CRMP1: variants seen among roughly 807,000 people sequenced by gnomAD.
CRMP1 encodes collapsin response mediator protein 1.
CRMP1 carries 19 observed loss-of-function variants against 68.3 expected under a neutral mutation model. The ratio of observed to expected loss-of-function variants is 0.28; its 90% CI spans 0.19 to 0.41. The LOEUF (loss-of-function observed/expected upper bound fraction) is 0.41. CRMP1 is among the 10% of genes least tolerant of loss of function. The pLI is 1.00. For missense variants in CRMP1, 791 were observed against 967.4 expected (o/e 0.82, Z 2.42); for synonymous variants, 439 against 399.6 (o/e 1.10, Z -1.18).
At position 5,838,075 on chromosome 4, in the gene CRMP1, CAGG is replaced by C. The variant is rs1333110184; in HGVS notation, c.1311-1172_1311-1170del. On this transcript the variant is annotated intron_variant, in intron 9 of 13. Coordinates refer to ENST00000324989, the MANE Select transcript of CRMP1 (RefSeq NM_001014809.3). The surrounding 1 kb of genome is among the most constrained non-coding windows in gnomAD (Gnocchi z 4.9). ...GGGGACAGGCTGGAGATGCCATTTC[CAGG>C]AGGATAATCAGAAAATTACGTCACT... Among the ~76,000 whole-genome samples the C allele has an allele frequency of 1.3e-5, 2 of 152,122 alleles. No homozygotes were observed. Among genetic ancestry groups the C allele is most frequent in the African/African-American group, 2.4e-5 (1 of 41,418 alleles).
chr4:5,853,320 G>A lies in CRMP1; in HGVS notation c.821-1851C>T, dbSNP rs1353475399. Among the ~76,000 whole-genome samples, 1 of 152,174 alleles carries A rather than the reference G, an allele frequency of 6.6e-6. No homozygotes were observed. Among genetic ancestry groups the A allele is most frequent in the Non-Finnish European group, 1.5e-5 (1 of 68,044 alleles). On this transcript the variant is annotated intron_variant, in intron 4 of 13. Transcript: ENST00000324989. The surrounding 1 kb of genome is among the most constrained non-coding windows in gnomAD (Gnocchi z 4.7). ...CCAAGCTACTTGGGAGGCTGAGGGG[G>A]AAGAATCACTTTAACCTGGGAGGCA...
rs1292943920 is a variant in CRMP1, at chr4:5,888,802, G to A, written c.381+3787C>T. Reference sequence around the variant, plus strand: ...CCACAGGTGTGTGGCCGCGCGTCTGGAGGCCTCCCCGGAACATCTGCGGGG... The same window carrying A: ...CCACAGGTGTGTGGCCGCGCGTCTGAAGGCCTCCCCGGAACATCTGCGGGG... On this transcript the variant is annotated intron_variant, in intron 1 of 13. Coordinates refer to ENST00000324989, the MANE Select transcript of CRMP1 (RefSeq NM_001014809.3). This position sits in a 1 kb window ranked among gnomAD's most constrained non-coding sequence, Gnocchi z 6.4. Among the ~76,000 whole-genome samples the A allele has an allele frequency of 6.6e-6, 1 of 151,896 alleles. No homozygotes were observed. Among genetic ancestry groups the A allele is most frequent in the Non-Finnish European group, 1.5e-5 (1 of 67,908 alleles).
At position 5,872,706 on chromosome 4, in the gene CRMP1, T is replaced by C. The variant is rs1577832137; in HGVS notation, c.382-5950A>G. On this transcript the variant is annotated intron_variant, in intron 1 of 13. Coordinates refer to ENST00000324989, the MANE Select transcript of CRMP1 (RefSeq NM_001014809.3). The surrounding 1 kb of genome is among the most constrained non-coding windows in gnomAD (Gnocchi z 4.6). Reference sequence around the variant, plus strand: ...CATCTCAAAAAACAATTATTATGTATAAACCTTGAAGAAATAAAGCATCTC... The same window carrying C: ...CATCTCAAAAAACAATTATTATGTACAAACCTTGAAGAAATAAAGCATCTC... Among the ~76,000 whole-genome samples the C allele has an allele frequency of 6.6e-6, 1 of 152,260 alleles. No individual in the cohort carries two copies. The highest frequency in any genetic ancestry group is 1.9e-4 in the East Asian group (1 of 5,184).
Position 5,859,817 on chromosome 4 carries a change from C to T in CRMP1, c.655+1209G>A, listed in dbSNP as rs1048022215. Among the ~76,000 whole-genome samples the T allele has an allele frequency of 2.0e-5, 3 of 152,124 alleles. No homozygotes were observed. In the East Asian group the frequency reaches 5.8e-4, roughly 29 times the overall value. The stretch of plus-strand genomic sequence containing the variant: ...CTCTGCCCATGGCGGTGGGCTTCAG[C>T]CCACAGACCACACTTCCAAAGGGAC... On this transcript the variant is annotated intron_variant, in intron 3 of 13. Transcript: ENST00000324989. The surrounding 1 kb of genome is among the most constrained non-coding windows in gnomAD (Gnocchi z 5.2).
intron 6 of CRMP1, among the ~76,000 whole-genome samples, chr4:5,848,459 C>T (rs766769341): frequency 6.0e-4 from 91 of 152,330 alleles, no homozygotes; most frequent in Non-Finnish European, 1.2e-3. Context: ...TCTCAAAGTG[C>T]TGGTATTACA....
rs1004519713 is a variant in CRMP1, at chr4:5,892,087, C to T, written c.381+502G>A. Among the ~76,000 whole-genome samples, 6 of 152,326 alleles carry T rather than the reference C, an allele frequency of 3.9e-5. No individual in the cohort carries two copies. The highest frequency in any genetic ancestry group is 2.6e-4 in the Admixed American group (4 of 15,310). On this transcript the variant is annotated intron_variant, in intron 1 of 13. Coordinates refer to ENST00000324989, the MANE Select transcript of CRMP1 (RefSeq NM_001014809.3). This position sits in a 1 kb window ranked among gnomAD's most constrained non-coding sequence, Gnocchi z 8.6. ...CGCTCGGAAAAAAAGCTCCTTCCAG[C>T]TTTAAGCTGTGTGGCCGCAGGCGAC... is the stretch of plus-strand genomic sequence containing the variant.
rs1396365657 is a variant in CRMP1 at position 5,879,008 on chromosome 4, G to T, written c.382-12252C>A. Among the ~76,000 whole-genome samples, 1 of 151,998 alleles carries T rather than the reference G, an allele frequency of 6.6e-6. No homozygotes were observed. Among genetic ancestry groups the T allele is most frequent in the Non-Finnish European group, 1.5e-5 (1 of 68,016 alleles). On this transcript the variant is annotated intron_variant, in intron 1 of 13. Coordinates refer to ENST00000324989, the MANE Select transcript of CRMP1 (RefSeq NM_001014809.3). This position sits in a 1 kb window ranked among gnomAD's most constrained non-coding sequence, Gnocchi z 4.2. ...AGATAAGCCCTCACCCCATCTCCCT[G>T]CCACAGAACTTGTCCACTCCATATG...
In CRMP1 at chr4:5,892,217, T is replaced by G. The variant is rs894994306; in HGVS notation, c.381+372A>C. 1.3e-5 allele frequency among the ~76,000 whole-genome samples: 2 copies of G among 152,110 alleles called. No individual in the cohort carries two copies. Among genetic ancestry groups the G allele is most frequent in the African/African-American group, 2.4e-5 (1 of 41,430 alleles). On this transcript the variant is annotated intron_variant, in intron 1 of 13. Transcript: ENST00000324989. The surrounding 1 kb of genome is among the most constrained non-coding windows in gnomAD (Gnocchi z 8.6). ...AACACGGAACGGAGCTCCAGTTCTT[T>G]TCACAAAACAGAATGAGGGGCCTGG...
Position 5,883,282 on chromosome 4 carries a change from GTCTT to G in CRMP1, c.381+9303_381+9306del, listed in dbSNP as rs1433283493. Among the ~76,000 whole-genome samples the G allele has an allele frequency of 1.4e-5, 2 of 142,510 alleles. No homozygotes were observed. The highest frequency in any genetic ancestry group is 3.0e-5 in the Non-Finnish European group (2 of 65,786). The allele number at this position is 142,510 out of a possible 152,430, so 93.5% of individuals were successfully genotyped here. ...TTCCTCCCTCCCTCCCTCCCTTCCTGTCTTTCTATCTTTCTCTTTCTTTCTTCTT... is the reference window on the plus strand; with the variant it reads ...TTCCTCCCTCCCTCCCTCCCTTCCTGTCTATCTTTCTCTTTCTTTCTTCTT... On this transcript the variant is annotated intron_variant, in intron 1 of 13. Coordinates refer to ENST00000324989, the MANE Select transcript of CRMP1 (RefSeq NM_001014809.3). The surrounding 1 kb of genome is among the most constrained non-coding windows in gnomAD (Gnocchi z 4.5).
chr4:5,841,152 G>A lies in CRMP1; in HGVS notation c.1153+156C>T, dbSNP rs1265402767. ...ATATCCTAAGGTCATTGGGACCAAA[G>A]AATTCCAGCCACCATCCTTGTGTCA... is the stretch of plus-strand genomic sequence containing the variant. On this transcript the variant is annotated intron_variant, in intron 8 of 13. Coordinates refer to ENST00000324989, the MANE Select transcript of CRMP1 (RefSeq NM_001014809.3). The surrounding 1 kb of genome is among the most constrained non-coding windows in gnomAD (Gnocchi z 6.9). 6.6e-6 allele frequency among the ~76,000 whole-genome samples: 1 copy of A among 152,128 alleles called. No homozygotes were observed. The highest frequency in any genetic ancestry group is 1.5e-5 in the Non-Finnish European group (1 of 68,036).
chr4:5,831,745 G>A (rs187383273), intron 11 of CRMP1, among the ~76,000 whole-genome samples: 1 of 152,226 alleles, frequency 6.6e-6, no homozygotes, highest in East Asian at 1.9e-4. Flanking sequence ...GCCACACCCT[G>A]CATTTCACAA....
rs1712093282 is a variant in CRMP1 at position 5,845,100 on chromosome 4, G to A, written c.964-1939C>T. ...ATTGAGCAAATGGAGCCGGACATAA[G>A]ACAGTGTGTGCTGTATGCTTCCATT... On this transcript the variant is annotated intron_variant, in intron 6 of 13. Transcript: ENST00000324989. Among the ~76,000 whole-genome samples the A allele has an allele frequency of 2.6e-5, 4 of 152,224 alleles. No homozygotes were observed. In the South Asian group the frequency reaches 8.3e-4, roughly 31 times the overall value.
chr4:5,868,303 A>G, intron 1 of CRMP1, among the ~76,000 whole-genome samples: 1 of 95,084 alleles, frequency 1.1e-5, no homozygotes, highest in Non-Finnish European at 2.4e-5. Context: ...ATATATATAT[A>G]CATAATTTTT....
intron 1 of CRMP1, among the ~76,000 whole-genome samples, chr4:5,868,261 C>CTATCTA (rs1210674102): frequency 1.3e-4 from 14 of 111,458 alleles, no homozygotes; most frequent in African/African-American, 3.8e-4. Flanking sequence ...GACTATATAT[C>CTATCTA]TATATATATA....
chr4:5,822,233 C>G (rs534643301), intron 13 of CRMP1, among the ~76,000 whole-genome samples: 117 of 152,350 alleles, frequency 7.7e-4, no homozygotes, highest in African/African-American at 2.7e-3. Flanking sequence ...GGTGTTTGTA[C>G]TCCCAACTTA....
At chr4:5,880,885 G>T (rs1448243845) in intron 1 of CRMP1, among the ~76,000 whole-genome samples, 1 of 152,188 alleles carries the variant, frequency 6.6e-6, no homozygotes, top group African/African-American at 2.4e-5. Context: ...CTCACACAGT[G>T]TGGCATCCCC....
intron 1 of CRMP1, among the ~76,000 whole-genome samples, chr4:5,871,770 A>C (rs1424137214): frequency 1.3e-5 from 2 of 152,232 alleles, no homozygotes; most frequent in Non-Finnish European, 2.9e-5. Flanking sequence ...ATTTGATACG[A>C]ATACTCAAGA....
chr4:5,872,568 T>C lies in CRMP1; in HGVS notation c.382-5812A>G, dbSNP rs1714532661. 6.6e-6 allele frequency among the ~76,000 whole-genome samples: 1 copy of C among 152,200 alleles called. No individual in the cohort carries two copies. The highest frequency in any genetic ancestry group is 1.5e-5 in the Non-Finnish European group (1 of 68,012). On this transcript the variant is annotated intron_variant, in intron 1 of 13. Coordinates refer to ENST00000324989, the MANE Select transcript of CRMP1 (RefSeq NM_001014809.3). The surrounding 1 kb of genome is among the most constrained non-coding windows in gnomAD (Gnocchi z 4.6). ...TGGGCGTGGTGGCAGGCACCTGTAATCCCAGCTACTCGGGAGGCTGAGGCA... is the reference window on the plus strand; with the variant it reads ...TGGGCGTGGTGGCAGGCACCTGTAACCCCAGCTACTCGGGAGGCTGAGGCA...
chr4:5,851,875 AGGAAGAGGAAGAGGAGGAGGAAG>A (rs1712666678), intron 4 of CRMP1, among the ~76,000 whole-genome samples: 1 of 129,368 alleles, frequency 7.7e-6, no homozygotes, highest in African/African-American at 2.8e-5. Flanking sequence ...GAGGAGGAAG[AGGAAGAGGAAGAGGAGGAGGAAG>A]AAAAAGGAGA....
Sources: allele counts gnomAD v4.1 joint callset (sites outside exome capture counted in the v4.1 genomes callset), GRCh38; gene constraint gnomAD v4.1.1; non-coding constraint Gnocchi (gnomAD v3.1); transcripts MANE v1.5; gene names NCBI Gene and HGNC (gene_info 2026-07-23, HGNC 2026-07-21).